CERS3: variants seen among roughly 807,000 people sequenced by gnomAD.
CERS3 encodes LAG1 homolog, ceramide synthase 3.
CERS3 carries 33 observed loss-of-function variants against 50.3 expected under a neutral mutation model. The ratio of observed to expected loss-of-function variants is 0.66; its 90% CI spans 0.50 to 0.88. The LOEUF is 0.88. CERS3 is among the 40% of genes least tolerant of loss of function. The pLI is 0.00. For synonymous variants in CERS3, 176 were observed against 155.2 expected (o/e 1.13, Z -0.99); for missense variants, 470 against 460.3 (o/e 1.02, Z -0.19).
chr15:100,505,699 C>T (rs1042575529), intron 2 of CERS3, among the ~76,000 whole-genome samples: 5 of 152,142 alleles, frequency 3.3e-5, no homozygotes, highest in African/African-American at 1.2e-4. Context: ...TTAGGCAAAG[C>T]CTTGTTATAT....
At chr15:100,497,198 A>G (rs952066939) in intron 3 of CERS3, among the ~76,000 whole-genome samples, 2 of 152,160 alleles carry the variant, frequency 1.3e-5, no homozygotes, top group African/African-American at 2.4e-5. Flanking sequence ...CATGGGGAAA[A>G]AAAGGAATTA....
upstream of CERS3, among the ~76,000 whole-genome samples, chr15:100,530,769 A>G (rs1416890947): frequency 6.6e-6 from 1 of 152,226 alleles, no homozygotes; most frequent in Non-Finnish European, 1.5e-5. Flanking sequence ...CTTACTCAGA[A>G]TTAAACAAGC....
Position 100,523,896 on chromosome 15 carries a change from G to C in CERS3, c.-91-2140C>G, listed in dbSNP as rs910420381. ...CATATTGGACAGTGAAGATCTAGAA[G>C]TTATATTGTTTTACCTGTCACATCT... is the stretch of plus-strand genomic sequence containing the variant. On this transcript the variant is annotated intron_variant, in intron 1 of 11. Coordinates refer to ENST00000679737, the MANE Select transcript of CERS3 (RefSeq NM_001378789.1). Among the ~76,000 whole-genome samples, 8 of 152,228 alleles carry C rather than the reference G, an allele frequency of 5.3e-5. No homozygotes were observed. In the South Asian group the frequency reaches 8.3e-4, roughly 16 times the overall value.
chr15:100,489,336 A>T (rs2035581642), intron 4 of CERS3, among the ~76,000 whole-genome samples: 1 of 152,172 alleles, frequency 6.6e-6, no homozygotes, highest in African/African-American at 2.4e-5. Context: ...GCTGGGCCTT[A>T]AGTTTCCTCA....
intron 11 of CERS3, chr15:100,438,010 T>C (rs2033502896): frequency 6.6e-6 from 1 of 151,414 alleles, no homozygotes; most frequent in South Asian, 2.1e-4. Context: ...TGATCTTGAT[T>C]ACTCATCAAT....
At chr15:100,438,036 C>CATT (rs2033508112) in intron 11 of CERS3, 1 of 102,002 alleles carries the variant, frequency 9.8e-6, no homozygotes, top group African/African-American at 3.8e-5. Context: ...TATGTACCCA[C>CATT]TTTTTTTTTT....
At chr15:100,518,988 C>T (rs1000638531) in intron 2 of CERS3, among the ~76,000 whole-genome samples, 3 of 152,054 alleles carry the variant, frequency 2.0e-5, no homozygotes, top group Non-Finnish European at 4.4e-5. Flanking sequence ...ATGGTGAAAC[C>T]GTCTCTACTA....
At chr15:100,416,747 G>T (rs574587478) in intron 11 of CERS3, among the ~76,000 whole-genome samples, 1 of 152,196 alleles carries the variant, frequency 6.6e-6, no homozygotes, top group African/African-American at 2.4e-5. Flanking sequence ...TTCCCAACTG[G>T]TCCCTCCCTC....
At chr15:100,480,891 G>C (rs2035279244) in intron 5 of CERS3, among the ~76,000 whole-genome samples, 1 of 152,132 alleles carries the variant, frequency 6.6e-6, no homozygotes, top group East Asian at 1.9e-4. Flanking sequence ...ACATAGGATT[G>C]GCCTTGAGTT....
At chr15:100,534,146 T>C (rs920646542) in intron 1 of CERS3, among the ~76,000 whole-genome samples, 1 of 152,178 alleles carries the variant, frequency 6.6e-6, no homozygotes, top group African/African-American at 2.4e-5. Context: ...CATTTGTGAA[T>C]ACAGCCCCTG....
At chr15:100,422,953 G>C (rs1454705338) in intron 11 of CERS3, among the ~76,000 whole-genome samples, 1 of 120,088 alleles carries the variant, frequency 8.3e-6, no homozygotes, top group Non-Finnish European at 1.7e-5. Flanking sequence ...GGGGGAGGGG[G>C]GAGGGATAGT....
chr15:100,434,866 G>A (rs2033322668), intron 11 of CERS3, among the ~76,000 whole-genome samples: 1 of 152,158 alleles, frequency 6.6e-6, no homozygotes, highest in East Asian at 1.9e-4. Context: ...CTTCCTTTCA[G>A]GATTACATAA....
intron 3 of CERS3, among the ~76,000 whole-genome samples, chr15:100,494,210 CATATATATATATATATATATATATATAT>C (rs1170051830): frequency 1.9e-4 from 15 of 78,124 alleles, no homozygotes; most frequent in Middle Eastern, 7.4e-3. Flanking sequence ...TTTTTCTTTT[CATATATATATATATATATATATATATAT>C]ATATATATAT....
chr15:100,419,714 G>T (rs1190393805), intron 11 of CERS3, among the ~76,000 whole-genome samples: 1 of 151,710 alleles, frequency 6.6e-6, no homozygotes, highest in East Asian at 1.9e-4. Context: ...TAAAAGAATA[G>T]AAATTATAAC....
upstream of CERS3, among the ~76,000 whole-genome samples, chr15:100,531,338 T>C (rs1024766195): frequency 1.3e-5 from 2 of 151,844 alleles, no homozygotes; most frequent in Non-Finnish European, 2.9e-5. Context: ...GATGTAAAAA[T>C]GAGGCTATTG....
At chr15:100,469,174 C>T (rs1293924423) in intron 10 of CERS3, among the ~76,000 whole-genome samples, 4 of 152,224 alleles carry the variant, frequency 2.6e-5, no homozygotes, top group Admixed American at 2.0e-4. Flanking sequence ...TTTCCATCTC[C>T]CGTTGTAATA....
In CERS3 at chr15:100,483,962, A is replaced by C. The variant is rs2035408589; in HGVS notation, c.407+588T>G. ...CGCCCAGCTAATTTTTTGTATTTTT[A>C]GTAGAGATGGGGTCTCACCATGGTC... is the stretch of plus-strand genomic sequence containing the variant. On this transcript the variant is annotated intron_variant, in intron 5 of 11. Transcript: ENST00000679737. 1.3e-5 allele frequency among the ~76,000 whole-genome samples: 2 copies of C among 150,912 alleles called. 1 individual carries two copies. Among genetic ancestry groups the C allele is most frequent in the Non-Finnish European group, 3.0e-5 (2 of 67,764 alleles).
In CERS3 at chr15:100,469,489, A is replaced by C. The variant is rs920821835; in HGVS notation, c.739-5T>G. The stretch of plus-strand genomic sequence containing the variant: ...ATAAGAAAACATCTTAGCAGACTGC[A>C]AAAAAGAAAGAAACTGCAGATAAAG... On this transcript the variant is annotated splice_polypyrimidine_tract_variant and splice_region_variant and intron_variant, in intron 9 of 11. Transcript: ENST00000679737. 1.3e-5 allele frequency: 20 copies of C among 1,592,230 alleles called. No homozygotes were observed. The African/African-American group carries it at 2.4e-4, about 19-fold the overall frequency.
chr15:100,493,046 G>T (rs1053954497), intron 3 of CERS3, among the ~76,000 whole-genome samples: 2 of 152,094 alleles, frequency 1.3e-5, no homozygotes, highest in African/African-American at 4.8e-5. Context: ...CACAGATTTA[G>T]ATTATTGTTT....
Sources: allele counts gnomAD v4.1 joint callset (sites outside exome capture counted in the v4.1 genomes callset), GRCh38; gene constraint gnomAD v4.1.1; transcripts MANE v1.5; gene names NCBI Gene and HGNC (gene_info 2026-07-23, HGNC 2026-07-21).